Variants in RNF220 observed in about 807,000 individuals in gnomAD.
The protein encoded by RNF220 is ring finger protein 220.
In RNF220, 7 loss-of-function variants were observed where a neutral mutation model predicts 67.1. The observed-to-expected ratio is 0.10, with a 90% CI of 0.06 to 0.20. The LOEUF (loss-of-function observed/expected upper bound fraction) is 0.20. Among genes scored for constraint, RNF220 ranks in the 10% least tolerant of loss-of-function variants. The pLI, the probability that RNF220 is intolerant of heterozygous loss-of-function variation, is 1.00. For synonymous variants in RNF220, 270 were observed against 283.2 expected (o/e 0.95, Z 0.47); for missense variants, 565 against 740.3 (o/e 0.76, Z 2.75).
intron 2 of RNF220, among the ~76,000 whole-genome samples, chr1:44,501,678 C>A (rs573468826): frequency 1.3e-5 from 2 of 152,086 alleles, no homozygotes; most frequent in African/African-American, 2.4e-5. Context: ...CCCTCTCTCC[C>A]CTCCGTTTCT....
chr1:44,483,487 T>C (rs1204695895), intron 2 of RNF220, among the ~76,000 whole-genome samples: 1 of 152,158 alleles, frequency 6.6e-6, no homozygotes, highest in Non-Finnish European at 1.5e-5. Context: ...CATACTAACA[T>C]GTACAGTGCT....
chr1:44,577,768 C>T (rs1416267072), intron 2 of RNF220, among the ~76,000 whole-genome samples: 1 of 152,112 alleles, frequency 6.6e-6, no homozygotes, highest in East Asian at 1.9e-4. Context: ...GAGTTTGAGA[C>T]CCACCTGGCC....
At chr1:44,455,385 G>T (rs979076946) in intron 2 of RNF220, among the ~76,000 whole-genome samples, 2 of 152,160 alleles carry the variant, frequency 1.3e-5, no homozygotes, top group Non-Finnish European at 2.9e-5. Flanking sequence ...GGGAAGAAAA[G>T]AAATGAAAAT....
rs528699821 is a variant in RNF220, at chr1:44,630,564, A to G, written c.907-1779A>G. On this transcript the variant is annotated intron_variant, in intron 5 of 14. Coordinates refer to ENST00000361799, the MANE Select transcript of RNF220 (RefSeq NM_018150.4). The stretch of plus-strand genomic sequence containing the variant: ...AATGGCTAGAGATGACCTTCCAAGT[A>G]CAAGGGACAGATATGTAAACAAACA... Among the ~76,000 whole-genome samples the G allele has an allele frequency of 9.2e-5, 14 of 152,378 alleles. No homozygotes were observed. In the East Asian group the frequency reaches 2.7e-3, roughly 29 times the overall value.
intron 2 of RNF220, among the ~76,000 whole-genome samples, chr1:44,531,842 GA>G (rs1558017416): frequency 6.6e-6 from 1 of 152,162 alleles, no homozygotes; most frequent in Non-Finnish European, 1.5e-5. Context: ...CTGATTGTTA[GA>G]AAATACTTTC....
chr1:44,457,154 TC>T (rs1426891250), intron 2 of RNF220, among the ~76,000 whole-genome samples: 1 of 152,108 alleles, frequency 6.6e-6, no homozygotes, highest in African/African-American at 2.4e-5. Flanking sequence ...TCCTCTCTCC[TC>T]TTCCTCCTCT....
intron 2 of RNF220, among the ~76,000 whole-genome samples, chr1:44,601,081 A>G (rs746218865): frequency 6.6e-6 from 1 of 152,220 alleles, no homozygotes; most frequent in African/African-American, 2.4e-5. Context: ...CCATAAGGAC[A>G]TGGATCTCAT....
At chr1:44,644,386 C>T (rs557848913) in intron 8 of RNF220, 54 of 292,680 alleles carry the variant, frequency 1.8e-4, no homozygotes, top group African/African-American at 1.1e-3. Flanking sequence ...CTTCCTAGAC[C>T]TGGAAGATAG....
At chr1:44,506,586 G>A (rs953343827) in intron 2 of RNF220, among the ~76,000 whole-genome samples, 3 of 152,226 alleles carry the variant, frequency 2.0e-5, no homozygotes, top group East Asian at 1.9e-4. Context: ...CCTGCAGGCC[G>A]GATGGCCCAA....
In RNF220 at chr1:44,645,162, C is replaced by CA; in HGVS notation, c.1311-58dup. ...CAGGGGTTAACGCAGTACTGACCCT[C>CA]AGGGCTGTCCTGCCCGCCTTCAGGC... On this transcript the variant is annotated intron_variant, in intron 10 of 14. Transcript: ENST00000361799. This position sits in a 1 kb window ranked among gnomAD's most constrained non-coding sequence, Gnocchi z 5.0. 6.2e-7 allele frequency: 1 copy of CA among 1,612,352 alleles called. No individual in the cohort carries two copies. Among genetic ancestry groups the CA allele is most frequent in the Admixed American group, 1.7e-5 (1 of 60,022 alleles).
chr1:44,638,690 G>T (rs565472364), intron 8 of RNF220, among the ~76,000 whole-genome samples: 34 of 152,140 alleles, frequency 2.2e-4, no homozygotes, highest in Non-Finnish European at 4.3e-4. Context: ...ACACTTGGCT[G>T]AGGGCAACAG....
intron 2 of RNF220, among the ~76,000 whole-genome samples, chr1:44,446,683 C>G (rs1652131847): frequency 6.6e-6 from 1 of 152,080 alleles, no homozygotes; most frequent in African/African-American, 2.4e-5. Context: ...CTCAGCCTCC[C>G]AAGTAGCTGG....
At chr1:44,550,983 T>C (rs1402532952) in intron 2 of RNF220, among the ~76,000 whole-genome samples, 1 of 152,126 alleles carries the variant, frequency 6.6e-6, no homozygotes, top group Non-Finnish European at 1.5e-5. Flanking sequence ...TTTGGATATC[T>C]CCTAGCACCT....
Position 44,412,471 on chromosome 1 carries a change from C to T in RNF220, c.374C>T (p.Ser125Phe), listed in dbSNP as rs1330935420. The change falls in exon 2 of 15, where the codon TCC becomes TTC. Residue 125 changes from serine to phenylalanine, a missense_variant. Coordinates refer to ENST00000361799, the MANE Select transcript of RNF220 (RefSeq NM_018150.4). The surrounding 1 kb of genome is among the most constrained non-coding windows in gnomAD (Gnocchi z 5.3). ...GTGGGGGCTTTCCGGCCCTTTGCCTCCACCGAGGACCGGGAGAGCTATCAG... is the reference window on the plus strand; with the variant it reads ...GTGGGGGCTTTCCGGCCCTTTGCCTTCACCGAGGACCGGGAGAGCTATCAG... ...SGVGAFRPFASTEDRESYQSA... is the reference protein window; with the variant it reads ...SGVGAFRPFAFTEDRESYQSA... 2 of 1,611,242 alleles carry T rather than the reference C, an allele frequency of 1.2e-6. No homozygotes were observed.
chr1:44,632,228 G>A (rs762976392), intron 5 of RNF220, 115 bp from the exon 6 acceptor site: 1 of 1,612,852 alleles, frequency 6.2e-7, no homozygotes, highest in Non-Finnish European at 8.5e-7. Context: ...TTTACGGGCT[G>A]TTTGGGGCGG....
intron 3 of RNF220, among the ~76,000 whole-genome samples, chr1:44,620,538 A>C (rs1458611237): frequency 6.6e-6 from 1 of 152,260 alleles, no homozygotes; most frequent in Non-Finnish European, 1.5e-5. Flanking sequence ...AGTTGCTCTC[A>C]AAAGCAGCTC....
rs563682871 is a variant in RNF220 at position 44,476,525 on chromosome 1, C to A, written c.625+63803C>A. Among the ~76,000 whole-genome samples the A allele has an allele frequency of 1.1e-3, 165 of 152,268 alleles. 1 individual carries two copies. The highest frequency in any genetic ancestry group is 3.9e-3 in the African/African-American group (161 of 41,548). On this transcript the variant is annotated intron_variant, in intron 2 of 14. Coordinates refer to ENST00000361799, the MANE Select transcript of RNF220 (RefSeq NM_018150.4). ...TCCATGCCCTGACTGCTGTTTCTACCCTGTCCTTAGGAGAAGATCTCCAGG... is the reference window on the plus strand; with the variant it reads ...TCCATGCCCTGACTGCTGTTTCTACACTGTCCTTAGGAGAAGATCTCCAGG...
chr1:44,493,382 C>T (rs1418328070), intron 2 of RNF220, among the ~76,000 whole-genome samples: 2 of 152,000 alleles, frequency 1.3e-5, no homozygotes, highest in Non-Finnish European at 2.9e-5. Flanking sequence ...GGCATGGTGG[C>T]GGGTGCCTGT....
chr1:44,585,564 T>C (rs986634480), intron 2 of RNF220, among the ~76,000 whole-genome samples: 2 of 152,214 alleles, frequency 1.3e-5, no homozygotes, highest in African/African-American at 2.4e-5. Context: ...ATCCAATAGA[T>C]GCATTTCAGT....
Sources: allele counts gnomAD v4.1 joint callset (sites outside exome capture counted in the v4.1 genomes callset), GRCh38; gene constraint gnomAD v4.1.1; non-coding constraint Gnocchi (gnomAD v3.1); transcripts MANE v1.5; gene names NCBI Gene and HGNC (gene_info 2026-07-23, HGNC 2026-07-21).